Variants in RTF2 observed in about 807,000 individuals in gnomAD.
The protein encoded by RTF2 is UPF0549 protein C20orf43.
RTF2 carries 18 observed loss-of-function variants against 38.0 expected under a neutral mutation model. The ratio of observed to expected loss-of-function variants is 0.47; its 90% CI spans 0.33 to 0.70. The LOEUF (loss-of-function observed/expected upper bound fraction) is 0.70. Among genes scored for constraint, RTF2 ranks in the 30% least tolerant of loss-of-function variants. The pLI is 0.02. For missense variants in RTF2, 311 were observed against 379.6 expected, an observed-to-expected ratio of 0.82 and a Z score of 1.50; for synonymous variants, 126 against 137.1, an observed-to-expected ratio of 0.92 and a Z score of 0.57.
intron 5 of RTF2, among the ~76,000 whole-genome samples, chr20:56,507,672 TAGAA>T (rs1312324615): frequency 1.3e-5 from 2 of 152,104 alleles, no homozygotes; most frequent in South Asian, 2.1e-4. Context: ...CAAGGAGTGA[TAGAA>T]AGAAGCAGCA....
At chr20:56,512,677 A>G (rs939999822) in intron 5 of RTF2, among the ~76,000 whole-genome samples, 1 of 152,172 alleles carries the variant, frequency 6.6e-6, no homozygotes, top group African/African-American at 2.4e-5. Context: ...GAGACTTAGC[A>G]TATGGTTGTA....
At chr20:56,489,799 A>G (rs966658409) in intron 5 of RTF2, among the ~76,000 whole-genome samples, 23 of 152,186 alleles carry the variant, frequency 1.5e-4, no homozygotes, top group Admixed American at 4.6e-4. Context: ...TGTTCCTTTA[A>G]TGGGGTTTAC....
chr20:56,477,734 A>G (rs1982329900), intron 4 of RTF2, among the ~76,000 whole-genome samples: 1 of 152,068 alleles, frequency 6.6e-6, no homozygotes, highest in Admixed American at 6.6e-5. Flanking sequence ...CCCAGGCTGG[A>G]TTCAAATTCC....
intron 5 of RTF2, among the ~76,000 whole-genome samples, chr20:56,490,046 A>G (rs1281347820): frequency 6.6e-6 from 1 of 152,214 alleles, no homozygotes; most frequent in African/African-American, 2.4e-5. Context: ...GGGAAGAAAG[A>G]TTTGTTTAAA....
intron 3 of RTF2, among the ~76,000 whole-genome samples, chr20:56,476,246 A>G (rs923252821): frequency 6.6e-6 from 1 of 152,088 alleles, no homozygotes; most frequent in Non-Finnish European, 1.5e-5. Context: ...ATGATTTTAT[A>G]TATATATTTT....
intron 7 of RTF2, 26 bp from the exon 8 acceptor site, chr20:56,517,080 C>T: frequency 6.2e-7 from 1 of 1,612,620 alleles, no homozygotes; most frequent in South Asian, 1.1e-5. Context: ...ATTGTTTTTG[C>T]TTTGCCTACT....
At chr20:56,488,622 T>C (rs576308950) in intron 5 of RTF2, among the ~76,000 whole-genome samples, 62 of 152,376 alleles carry the variant, frequency 4.1e-4, no homozygotes, top group Admixed American at 9.1e-4. Flanking sequence ...GTTTTCAGGC[T>C]TTGGCCTTCT....
intron 5 of RTF2, among the ~76,000 whole-genome samples, chr20:56,502,591 A>G (rs575746416): frequency 6.6e-6 from 1 of 152,302 alleles, no homozygotes; most frequent in Admixed American, 6.5e-5. Flanking sequence ...TTTTATATGT[A>G]TATATTTTAA....
chr20:56,476,724 C>G (rs1982264883), intron 3 of RTF2, among the ~76,000 whole-genome samples: 1 of 152,128 alleles, frequency 6.6e-6, no homozygotes, highest in Admixed American at 6.5e-5. Flanking sequence ...GTCTTGAACT[C>G]CTGACCTCAG....
rs1985189248 is a variant in RTF2 at position 56,518,411 on chromosome 20, G to C, written c.*146G>C. ...CCTGGCCAGCCTTCAAGCTGGTGTGGCCACTCTTGATGTGAGGCGTGTCGG... is the reference window on the plus strand; with the variant it reads ...CCTGGCCAGCCTTCAAGCTGGTGTGCCCACTCTTGATGTGAGGCGTGTCGG... On this transcript the variant is annotated 3_prime_UTR_variant, in exon 9 of 9. Transcript: ENST00000357348. The C allele has an allele frequency of 1.3e-6, 1 of 786,320 alleles. No individual in the cohort carries two copies. The allele number at this position is 786,320 out of a possible 1,614,324, so 48.7% of individuals were successfully genotyped here. A position where few individuals can be genotyped will look rare whatever the true frequency, so the allele number is the denominator to read the frequency against.
intron 8 of RTF2, 86 bp downstream of exon 8, chr20:56,517,287 A>T: frequency 9.8e-7 from 1 of 1,018,398 alleles, no homozygotes; most frequent in South Asian, 1.3e-5. Flanking sequence ...GAGTGGGTGG[A>T]TGGGAAGCCC....
rs115414376 is a variant in RTF2, at chr20:56,487,390, C to T, written c.477+3201C>T. ...GCAGGAGGAAAGAGGAACAGAGCCA[C>T]GTCAGGATTGCACAAGGGACAGTAG... On this transcript the variant is annotated intron_variant, in intron 5 of 8. Transcript: ENST00000357348. Among the ~76,000 whole-genome samples, 617 of 152,306 alleles carry T rather than the reference C, an allele frequency of 4.1e-3. 4 individuals are homozygous for T. The highest frequency in any genetic ancestry group is 0.014 in the African/African-American group (582 of 41,560).
chr20:56,496,641 T>C, intron 5 of RTF2: 8 of 1,489,984 alleles, frequency 5.4e-6, no homozygotes, highest in Non-Finnish European at 7.1e-6. Flanking sequence ...TTTCTTACCT[T>C]TTAGTCGGTT....
intron 5 of RTF2, 152 bp downstream of exon 5, chr20:56,484,341 C>G: frequency 1.5e-6 from 1 of 669,708 alleles, no homozygotes; most frequent in Non-Finnish European, 2.6e-6. Flanking sequence ...AGTGCAGAAT[C>G]CACTGGCCTC....
chr20:56,496,907 T>A (rs954814207), intron 5 of RTF2: 69 of 1,551,796 alleles, frequency 4.4e-5, no homozygotes, highest in Non-Finnish European at 6.0e-5. Context: ...ATGGTTGGAT[T>A]ACTCCAGGAG....
At position 56,518,274 on chromosome 20, in the gene RTF2, C is replaced by T. The variant is rs904608131; in HGVS notation, c.*9C>T. ...CGTCCTACTGCTTCTGAAGCCCGCA[C>T]TGCCACCGCTCCTGCCCCAGAAGGT... is the stretch of plus-strand genomic sequence containing the variant. On this transcript the variant is annotated 3_prime_UTR_variant, in exon 9 of 9. Transcript: ENST00000357348. 1.2e-6 allele frequency: 2 copies of T among 1,606,966 alleles called. No homozygotes were observed. The highest frequency in any genetic ancestry group is 1.7e-6 in the Non-Finnish European group (2 of 1,177,388).
chr20:56,492,995 G>A (rs897365163), intron 5 of RTF2, among the ~76,000 whole-genome samples: 3 of 152,040 alleles, frequency 2.0e-5, no homozygotes, highest in African/African-American at 7.3e-5. Context: ...GGCCAACATG[G>A]TGACACCTCG....
At chr20:56,512,261 G>A (rs750553747) in intron 5 of RTF2, among the ~76,000 whole-genome samples, 1 of 152,138 alleles carries the variant, frequency 6.6e-6, no homozygotes, top group Non-Finnish European at 1.5e-5. Flanking sequence ...GCAGGACTGG[G>A]AACCTCCACT....
chr20:56,504,540 G>A (rs1174346567), intron 5 of RTF2, among the ~76,000 whole-genome samples: 2 of 152,200 alleles, frequency 1.3e-5, no homozygotes, highest in Non-Finnish European at 2.9e-5. Context: ...TTACAAGGCA[G>A]GGGCTGAGCC....
Sources: gnomAD v4.1 joint callset for allele counts (sites outside exome capture counted in the v4.1 genomes callset) on GRCh38, gnomAD v4.1.1 for gene constraint, MANE v1.5 for transcripts, NCBI Gene and HGNC (gene_info 2026-07-23, HGNC 2026-07-21) for gene names.